RAPGEF3: variants seen among roughly 807,000 people sequenced by gnomAD.
RAPGEF3 encodes 9330170P05Rik.
A neutral mutation model predicts 129.8 loss-of-function variants in RAPGEF3; 103 were observed. That is an observed-to-expected ratio of 0.79 (90% CI 0.68 to 0.93). The LOEUF is 0.93. Among genes scored for constraint, RAPGEF3 ranks in the 40% least tolerant of loss-of-function variants. RAPGEF3 has a pLI of 0.00. For synonymous variants in RAPGEF3, 436 were observed against 482.6 expected, an observed-to-expected ratio of 0.90 and a Z score of 1.26; for missense variants, 1,117 against 1,207.4, an observed-to-expected ratio of 0.93 and a Z score of 1.11.
At position 47,751,755 on chromosome 12, in the gene RAPGEF3, G is replaced by A; in HGVS notation, c.348C>T (p.Ile116=). The change falls in exon 4 of 28, where the codon ATC becomes ATT. Residue 116 remains isoleucine, a synonymous_variant. Transcript: ENST00000449771. ...GCCTAAGGTGGTACTTCCGGTCTCG[G>A]ATGAGGTTTGGGCAGGTGGCCAGCA... ...RHLLATCPNL[I]RDRKYHLRLY... The A allele has an allele frequency of 1.2e-6, 2 of 1,613,780 alleles. No homozygotes were observed. The highest frequency in any genetic ancestry group is 1.7e-6 in the Non-Finnish European group (2 of 1,180,018).
At position 47,749,147 on chromosome 12, in the gene RAPGEF3, C is replaced by T; in HGVS notation, c.1042-216G>A. Reference sequence around the variant, plus strand: ...CCTAGTCCCCCGCCCCCTGCATGCCCATCCTTCCCCTGGTCTCCCACACTG... The same window carrying T: ...CCTAGTCCCCCGCCCCCTGCATGCCTATCCTTCCCCTGGTCTCCCACACTG... On this transcript the variant is annotated intron_variant, in intron 10 of 27. Transcript: ENST00000449771. This position sits in a 1 kb window ranked among gnomAD's most constrained non-coding sequence, Gnocchi z 4.5. The T allele has an allele frequency of 1.6e-6, 1 of 641,692 alleles. No individual in the cohort carries two copies. The highest frequency in any genetic ancestry group is 2.7e-5 in the East Asian group (1 of 36,596). 39.7% of individuals were successfully genotyped at this position (641,692 alleles called of 1,614,324 possible).
chr12:47,738,355 T>C, intron 25 of RAPGEF3, 108 bp from the exon 26 acceptor site: 1 of 1,435,098 alleles, frequency 7.0e-7, no homozygotes. Context: ...TCAGGGACTG[T>C]AAGATCCTTG....
chr12:47,746,836 A>G (rs765008228), intron 16 of RAPGEF3, 24 bp downstream of exon 16: 20 of 1,581,484 alleles, frequency 1.3e-5, no homozygotes, highest in Non-Finnish European at 1.7e-5. Context: ...GAGCAGAGGA[A>G]AGAAACTGGG....
At chr12:47,750,791 G>A (rs1420936220) in intron 6 of RAPGEF3, among the ~76,000 whole-genome samples, 1 of 152,206 alleles carries the variant, frequency 6.6e-6, no homozygotes, top group East Asian at 1.9e-4. Flanking sequence ...CTCTGAGTGG[G>A]AAGGGTCCTC....
intron 2 of RAPGEF3, chr12:47,755,565 C>T (rs895208463): frequency 1.3e-5 from 2 of 152,196 alleles, no homozygotes; most frequent in Non-Finnish European, 2.9e-5. Flanking sequence ...TCACCTCCCC[C>T]TCTTATTTTC....
At position 47,741,176 on chromosome 12, in the gene RAPGEF3, G is replaced by T. The variant is rs150506974; in HGVS notation, c.1924-136C>A. The stretch of plus-strand genomic sequence containing the variant: ...GGAGGGCAGGAGTGGGGAGTAGAGG[G>T]TCTCTAGGGGCTATAGCAGCTGGAG... On this transcript the variant is annotated intron_variant, in intron 19 of 27. Coordinates refer to ENST00000449771, the MANE Select transcript of RAPGEF3 (RefSeq NM_001098531.4). 746 of 1,114,584 alleles carry T rather than the reference G, an allele frequency of 6.7e-4. 6 individuals are homozygous for T. The African/African-American group carries it at 0.01, about 15-fold the overall frequency. 69.0% of individuals were successfully genotyped at this position (1,114,584 alleles called of 1,614,324 possible).
In RAPGEF3 at chr12:47,746,781, G is replaced by A. The variant is rs551977465; in HGVS notation, c.1596+79C>T. 82 of 1,423,440 alleles carry A rather than the reference G, an allele frequency of 5.8e-5. 1 individual carries two copies. Among genetic ancestry groups the A allele is most frequent in the Non-Finnish European group, 7.4e-5 (76 of 1,026,756 alleles). 88.2% of individuals were successfully genotyped at this position (1,423,440 alleles called of 1,614,324 possible). On this transcript the variant is annotated intron_variant, in intron 16 of 27. Coordinates refer to ENST00000449771, the MANE Select transcript of RAPGEF3 (RefSeq NM_001098531.4). ...GAGGAGAGCTTCCCACGCCCACAGA[G>A]CCCCTCAGGGTCAGGGGGCGAAGGA...
At position 47,747,752 on chromosome 12, in the gene RAPGEF3, G is replaced by C; in HGVS notation, c.1433C>G (p.Ser478Cys). 6.2e-7 allele frequency: 1 copy of C among 1,609,570 alleles called. No individual in the cohort carries two copies. The highest frequency in any genetic ancestry group is 1.6e-4 in the Middle Eastern group (1 of 6,062). The change falls in exon 14 of 28, where the codon TCC becomes TGC. Residue 478 changes from serine (S) to cysteine (C), a missense_variant. Around this residue, in one of 3 missense-constraint regions of RAPGEF3, gnomAD observed 643 missense variants for 673.4 expected, o/e 0.95. Coordinates refer to ENST00000449771, the MANE Select transcript of RAPGEF3 (RefSeq NM_001098531.4). ...GGCCACAGGGTCAGTGTGGAGCATG[G>C]AGCCATACAGGGCCACCCACTGGCT... ...LVSQWVALYG[S>C]MLHTDPVATS...
chr12:47,734,601 T>C lies in RAPGEF3; in HGVS notation c.*2966A>G, dbSNP rs1458437500. 1 of 152,258 alleles carries C rather than the reference T, an allele frequency of 6.6e-6. No homozygotes were observed. The highest frequency in any genetic ancestry group is 1.9e-4 in the East Asian group (1 of 5,204). 9.4% of individuals were successfully genotyped at this position (152,258 alleles called of 1,614,324 possible). A position where few individuals can be genotyped will look rare whatever the true frequency, so the allele number is the denominator to read the frequency against. ...CCAGAGTAAAAATACCTGTAGTACC[T>C]ATTCTGTCATCAGGATAAAAATAAC... On this transcript the variant is annotated 3_prime_UTR_variant, in exon 28 of 28. Transcript: ENST00000449771.
rs1331997052 is a variant in RAPGEF3 at position 47,749,826 on chromosome 12, A to G, written c.818-9T>C. On this transcript the variant is annotated splice_polypyrimidine_tract_variant and intron_variant, in intron 8 of 27. Coordinates refer to ENST00000449771, the MANE Select transcript of RAPGEF3 (RefSeq NM_001098531.4). This position sits in a 1 kb window ranked among gnomAD's most constrained non-coding sequence, Gnocchi z 4.5. ...GTCCCCCTGGCTGAACACTGACAGA[A>G]GCATACCTCAGACCGGGCCCTCCTG... is the stretch of plus-strand genomic sequence containing the variant. 12 of 1,614,074 alleles carry G rather than the reference A, an allele frequency of 7.4e-6. No homozygotes were observed. Among genetic ancestry groups the G allele is most frequent in the Non-Finnish European group, 9.3e-6 (11 of 1,180,024 alleles).
At chr12:47,744,306 T>TGC in intron 16 of RAPGEF3, 1 of 559,796 alleles carries the variant, frequency 1.8e-6, no homozygotes. Flanking sequence ...CGTGTGTGTG[T>TGC]GCTTCTGCAT....
At position 47,757,978 on chromosome 12, in the gene RAPGEF3, G is replaced by T; in HGVS notation, c.107C>A (p.Pro36Gln). The T allele has an allele frequency of 1.3e-6, 2 of 1,566,846 alleles. No individual in the cohort carries two copies. The highest frequency in any genetic ancestry group is 1.7e-6 in the Non-Finnish European group (2 of 1,155,436). Reference protein sequence around the residue: ...PRVGALPDVVPEGTLLNMVLR... With the variant: ...PRVGALPDVVQEGTLLNMVLR... ...CACCATGTTGAGTAGTGTCCCCTCC[G>T]GCACCACGTCAGGGAGGGCTCCCAC... is the stretch of plus-strand genomic sequence containing the variant. Residue 36 changes from proline (P) to glutamine (Q), a missense_variant, in exon 2 of 28, where the codon CCG becomes CAG. By Grantham distance (76) the Pro-to-Gln change is moderately conservative. This residue lies in a region of RAPGEF3 where 367 missense variants were observed against 373.4 expected (regional missense o/e 0.98). Coordinates refer to ENST00000449771, the MANE Select transcript of RAPGEF3 (RefSeq NM_001098531.4).
intron 7 of RAPGEF3, 96 bp downstream of exon 7, chr12:47,750,245 G>A: frequency 7.5e-7 from 1 of 1,334,476 alleles, no homozygotes; most frequent in Non-Finnish European, 1.1e-6. Context: ...GATGGAAGTG[G>A]AGAAATGCCC....
rs141531150 is a variant in RAPGEF3, at chr12:47,747,591, G to A, written c.1509C>T (p.Leu503=). 3.1e-6 allele frequency: 5 copies of A among 1,614,108 alleles called. No homozygotes were observed. The African/African-American group carries it at 5.3e-5, about 17-fold the overall frequency. The stretch of plus-strand genomic sequence containing the variant: ...GCCACTGCTCCCTCAGCAGGTTGCT[G>A]AGTCGGGTGTCCCTGCCCACCAGGT... ...LSDLVGRDTR[L]SNLLREQWPE... Residue 503 remains leucine (L), a synonymous_variant, in exon 15 of 28, where the codon CTC becomes CTT. Coordinates refer to ENST00000449771, the MANE Select transcript of RAPGEF3 (RefSeq NM_001098531.4).
At position 47,739,137 on chromosome 12, in the gene RAPGEF3, T is replaced by C. The variant is rs760049645; in HGVS notation, c.2461+6A>G. The stretch of plus-strand genomic sequence containing the variant: ...ATGGAGGGATGGAGGCAGGAAGCCC[T>C]GTTACCTTTGAGAAGAAGGGGCATG... On this transcript the variant is annotated splice_donor_region_variant and intron_variant, in intron 24 of 27. Transcript: ENST00000449771. 1 of 1,583,474 alleles carries C rather than the reference T, an allele frequency of 6.3e-7. No individual in the cohort carries two copies. The highest frequency in any genetic ancestry group is 8.6e-7 in the Non-Finnish European group (1 of 1,159,174).
chr12:47,738,207 C>G lies in RAPGEF3; in HGVS notation c.2567G>C (p.Arg856Pro). 6.2e-7 allele frequency: 1 copy of G among 1,613,740 alleles called. No individual in the cohort carries two copies. Among genetic ancestry groups the G allele is most frequent in the Non-Finnish European group, 8.5e-7 (1 of 1,179,990 alleles). Residue 856 changes from arginine to proline, a missense_variant, in exon 26 of 28, where the codon CGA (arginine) becomes CCA (proline). This residue lies in a region of RAPGEF3 where 643 missense variants were observed against 673.4 expected (regional missense o/e 0.95). Transcript: ENST00000449771. ...ARAARMLHHC[R>P]SHNPVPLSPL... ...CGCCCTCTCACCAGGGTTGTGGCTT[C>G]GGCAGTGGTGCAGCATCCGCGCGGC...
At chr12:47,756,837 C>T (rs1267045413) in intron 2 of RAPGEF3, among the ~76,000 whole-genome samples, 11 of 151,900 alleles carry the variant, frequency 7.2e-5, no homozygotes, top group South Asian at 2.1e-4. Flanking sequence ...GGCGTGGTGG[C>T]GCACACCTGT....
rs565381686 is a variant in RAPGEF3, at chr12:47,737,722, C to G, written c.2654-37G>C. 5.8e-5 allele frequency: 91 copies of G among 1,581,772 alleles called. 1 individual carries two copies. The South Asian group carries it at 9.7e-4, about 17-fold the overall frequency. On this transcript the variant is annotated intron_variant, in intron 27 of 27. Coordinates refer to ENST00000449771, the MANE Select transcript of RAPGEF3 (RefSeq NM_001098531.4). ...GAGTAGTCAGGGAGGCACTGATGCCCCTTTGTGGAACCCAACCTTTCCCCT... is the reference window on the plus strand; with the variant it reads ...GAGTAGTCAGGGAGGCACTGATGCCGCTTTGTGGAACCCAACCTTTCCCCT...
rs896818984 is a variant in RAPGEF3 at position 47,749,013 on chromosome 12, C to G, written c.1042-82G>C. 1 of 1,233,960 alleles carries G rather than the reference C, an allele frequency of 8.1e-7. No individual in the cohort carries two copies. The highest frequency in any genetic ancestry group is 1.2e-6 in the Non-Finnish European group (1 of 842,766). The allele number at this position is 1,233,960 out of a possible 1,614,324, so 76.4% of individuals were successfully genotyped here. A position where few individuals can be genotyped will look rare whatever the true frequency, so the allele number is the denominator to read the frequency against. On this transcript the variant is annotated intron_variant, in intron 10 of 27. Transcript: ENST00000449771. This position sits in a 1 kb window ranked among gnomAD's most constrained non-coding sequence, Gnocchi z 4.5. ...TCATCTACCTCCTTCATTCCAGCCC[C>G]TGAGCCCCATGAGGGTCCCACAGGG...
Sources: allele counts gnomAD v4.1 joint callset (sites outside exome capture counted in the v4.1 genomes callset), GRCh38; gene constraint gnomAD v4.1.1; regional missense constraint gnomAD v4.1.1; non-coding constraint Gnocchi (gnomAD v3.1); transcripts MANE v1.5; gene names NCBI Gene and HGNC (gene_info 2026-07-23, HGNC 2026-07-21).